The following ASTN2 variants were observed in gnomAD, a reference collection of about 807,000 sequenced individuals.
ASTN2 encodes the protein astrotactin 2, also known as astrotactin-2.
ASTN2 carries 54 observed loss-of-function variants against 139.8 expected under a neutral mutation model. The observed-to-expected ratio is 0.39, with a 90% CI of 0.31 to 0.48. The LOEUF is 0.48. ASTN2 is among the 20% of genes least tolerant of loss of function. ASTN2 has a pLI of 0.95. For synonymous variants in ASTN2, 756 were observed against 719.5 expected, an observed-to-expected ratio of 1.05 and a Z score of -0.81; for missense variants, 1,565 against 1,725.1, an observed-to-expected ratio of 0.91 and a Z score of 1.64.
At chr9:116,702,138 AGTCAT>A (rs1564221414) in intron 16 of ASTN2, among the ~76,000 whole-genome samples, 1 of 152,110 alleles carries the variant, frequency 6.6e-6, no homozygotes, top group Non-Finnish European at 1.5e-5. Flanking sequence ...CTGTCTTATT[AGTCAT>A]GTGGCCTTGG....
At chr9:116,890,808 G>C (rs552860051) in intron 10 of ASTN2, among the ~76,000 whole-genome samples, 1 of 152,136 alleles carries the variant, frequency 6.6e-6, no homozygotes, top group South Asian at 2.1e-4. Flanking sequence ...TAAGTGGCAG[G>C]GGGGTGGAGC....
chr9:117,311,742 A>G (rs949781103), intron 1 of ASTN2, among the ~76,000 whole-genome samples: 3 of 152,196 alleles, frequency 2.0e-5, no homozygotes, highest in Non-Finnish European at 4.4e-5. Flanking sequence ...CCCCACAGAT[A>G]TAAGGGGTTT....
intron 16 of ASTN2, among the ~76,000 whole-genome samples, chr9:116,707,805 C>T (rs1828032321): frequency 6.6e-6 from 1 of 152,068 alleles, no homozygotes; most frequent in African/African-American, 2.4e-5. Context: ...TCAAATTATA[C>T]CTGGAATTCC....
At chr9:116,492,604 A>G (rs968026351) in intron 19 of ASTN2, among the ~76,000 whole-genome samples, 3 of 152,102 alleles carry the variant, frequency 2.0e-5, no homozygotes, top group Non-Finnish European at 2.9e-5. Context: ...AACTTATGAG[A>G]TAAAATCACT....
chr9:117,104,881 A>G (rs990669977), intron 4 of ASTN2, among the ~76,000 whole-genome samples: 2 of 152,140 alleles, frequency 1.3e-5, no homozygotes, highest in Non-Finnish European at 2.9e-5. Flanking sequence ...TAATATGGCC[A>G]TCTCAGAGGG....
At chr9:116,446,234 A>G (rs1019321670) in intron 20 of ASTN2, among the ~76,000 whole-genome samples, 9 of 147,412 alleles carry the variant, frequency 6.1e-5, no homozygotes, top group Non-Finnish European at 8.9e-5. Flanking sequence ...AGAGAGACAG[A>G]GACAGAGACA....
intron 11 of ASTN2, among the ~76,000 whole-genome samples, chr9:116,857,509 A>G (rs1832771849): frequency 6.6e-6 from 1 of 152,208 alleles, no homozygotes; most frequent in Non-Finnish European, 1.5e-5. Flanking sequence ...TGCTGGATAC[A>G]GGAATGTTGC....
chr9:116,954,392 G>T (rs962613666), intron 10 of ASTN2, among the ~76,000 whole-genome samples: 1 of 152,134 alleles, frequency 6.6e-6, no homozygotes, highest in African/African-American at 2.4e-5. Context: ...GTCTAGATTG[G>T]GGCCTGATAA....
intron 13 of ASTN2, among the ~76,000 whole-genome samples, chr9:116,741,613 G>T (rs537877076): frequency 6.6e-6 from 1 of 152,332 alleles, no homozygotes; most frequent in South Asian, 2.1e-4. Flanking sequence ...CTGGCTGGCT[G>T]TGTGATGTGC....
At chr9:117,224,357 T>C (rs1183801310) in intron 2 of ASTN2, among the ~76,000 whole-genome samples, 1 of 152,190 alleles carries the variant, frequency 6.6e-6, no homozygotes, top group African/African-American at 2.4e-5. Context: ...AGCTTGCAAG[T>C]AGTGGATCTT....
intron 10 of ASTN2, among the ~76,000 whole-genome samples, chr9:116,870,203 G>T (rs7853663): frequency 0.38 from 57,799 of 152,010 alleles, 11,775 homozygotes; most frequent in Non-Finnish European, 0.46. Context: ...TTTTAGGTGT[G>T]AAAACCCTGA....
rs544475555 is a variant in ASTN2, at chr9:116,887,754, A to G, written c.1890-24021T>C. 2.3e-4 allele frequency among the ~76,000 whole-genome samples: 35 copies of G among 152,194 alleles called. No individual in the cohort carries two copies. The East Asian group carries it at 3.9e-3, about 17-fold the overall frequency. On this transcript the variant is annotated intron_variant, in intron 10 of 22. Transcript: ENST00000313400. ...ATGATCTTGGCTCACTGCAGCTTCT[A>G]TCTCCTGGGCTCAGGTGATCCTCCC... is the stretch of plus-strand genomic sequence containing the variant.
intron 11 of ASTN2, among the ~76,000 whole-genome samples, chr9:116,821,717 C>A (rs1262797583): frequency 6.6e-6 from 1 of 152,078 alleles, no homozygotes; most frequent in Non-Finnish European, 1.5e-5. Flanking sequence ...ATATGCACAG[C>A]CCTCCCCATA....
intron 5 of ASTN2, among the ~76,000 whole-genome samples, chr9:117,060,296 G>A (rs1839204447): frequency 7.1e-6 from 1 of 140,442 alleles, no homozygotes; most frequent in South Asian, 2.4e-4. Context: ...GGGCAAAAGA[G>A]CAAGACTCTG....
At chr9:116,741,778 A>G (rs1388516409) in intron 13 of ASTN2, among the ~76,000 whole-genome samples, 1 of 152,094 alleles carries the variant, frequency 6.6e-6, no homozygotes, top group African/African-American at 2.4e-5. Context: ...TGATGCTAAC[A>G]CTGGTTGGTT....
At chr9:116,910,252 C>T (rs1834274852) in intron 10 of ASTN2, among the ~76,000 whole-genome samples, 1 of 152,178 alleles carries the variant, frequency 6.6e-6, no homozygotes. Context: ...AAATCGACAG[C>T]ACTTTAAAGA....
At chr9:117,085,301 C>T (rs949303331) in intron 5 of ASTN2, among the ~76,000 whole-genome samples, 2 of 152,160 alleles carry the variant, frequency 1.3e-5, no homozygotes, top group Admixed American at 6.5e-5. Flanking sequence ...ACAGTTCTCC[C>T]CAGTGGTGTG....
intron 3 of ASTN2, among the ~76,000 whole-genome samples, chr9:117,193,432 G>A (rs1831401324): frequency 6.6e-6 from 1 of 151,884 alleles, no homozygotes; most frequent in Non-Finnish European, 1.5e-5. Context: ...GAGGTGAGGA[G>A]ATCGAGACCA....
Position 116,620,421 on chromosome 9 carries a change from C to T in ASTN2, c.3095G>A (p.Ser1032Asn), listed in dbSNP as rs367803295. 6.2e-7 allele frequency: 1 copy of T among 1,614,014 alleles called. No homozygotes were observed. Among genetic ancestry groups the T allele is most frequent in the African/African-American group, 1.3e-5 (1 of 74,924 alleles). The change falls in exon 18 of 23, where the codon AGT (serine) becomes AAT (asparagine). Residue 1032 changes from serine to asparagine, a missense_variant. Transcript: ENST00000313400. ...CCCTTTCCCTGAGCACCAGTAGGAA[C>T]TCATCAGTGCACTCTTGAAGGCCTG... is the stretch of plus-strand genomic sequence containing the variant. ...TKEAFKSALM[S>N]SYWCSGKGDV...
Sources: allele counts gnomAD v4.1 joint callset (sites outside exome capture counted in the v4.1 genomes callset), GRCh38; gene constraint gnomAD v4.1.1; transcripts MANE v1.5; gene names NCBI Gene and HGNC (gene_info 2026-07-23, HGNC 2026-07-21).